The following ACSBG1 variants were observed in gnomAD, a reference collection of about 807,000 sequenced individuals.
ACSBG1 encodes long-chain-fatty-acid--CoA ligase ACSBG1.
A neutral mutation model predicts 80.2 loss-of-function variants in ACSBG1; 39 were observed. The observed-to-expected ratio is 0.49, with a 90% CI of 0.38 to 0.64. The LOEUF is 0.64. Ranked by LOEUF, ACSBG1 falls within the 30% of genes least tolerant of loss-of-function variation. ACSBG1 has a pLI of 0.00. For missense variants in ACSBG1, 828 were observed against 966.4 expected, an observed-to-expected ratio of 0.86 and a Z score of 1.90; for synonymous variants, 392 against 379.5, an observed-to-expected ratio of 1.03 and a Z score of -0.38.
intron 12 of ACSBG1, 119 bp downstream of exon 12, chr15:78,174,266 C>T: frequency 1.4e-6 from 2 of 1,404,226 alleles, no homozygotes; most frequent in Non-Finnish European, 2.0e-6. Context: ...GGACTTGAGT[C>T]ATTCCAGAAT....
intron 10 of ACSBG1, among the ~76,000 whole-genome samples, chr15:78,179,236 C>A (rs1027607218): frequency 2.0e-5 from 3 of 151,876 alleles, no homozygotes; most frequent in Admixed American, 1.3e-4. Flanking sequence ...TGGAGCACAC[C>A]CCACTCCAAA....
Position 78,172,771 on chromosome 15 carries a change from A to G in ACSBG1, c.2089+822T>C, listed in dbSNP as rs1317855493. Among the ~76,000 whole-genome samples, 1 of 152,202 alleles carries G rather than the reference A, an allele frequency of 6.6e-6. No homozygotes were observed. Among genetic ancestry groups the G allele is most frequent in the Non-Finnish European group, 1.5e-5 (1 of 68,026 alleles). ...TTTCTACCTCTCCTGTTCTATGAAC[A>G]TCCCATGAACATCTCTTGGCTACAG... On this transcript the variant is annotated intron_variant, in intron 13 of 13. Transcript: ENST00000258873. The surrounding 1 kb of genome is among the most constrained non-coding windows in gnomAD (Gnocchi z 4.1).
At chr15:78,206,874 C>A (rs555121812) in intron 2 of ACSBG1, among the ~76,000 whole-genome samples, 2 of 152,230 alleles carry the variant, frequency 1.3e-5, no homozygotes, top group Non-Finnish European at 2.9e-5. Flanking sequence ...GAGCCTCCCC[C>A]ACAAATGGCT....
intron 2 of ACSBG1, among the ~76,000 whole-genome samples, chr15:78,200,692 A>G (rs2075158933): frequency 6.6e-6 from 1 of 152,126 alleles, no homozygotes; most frequent in South Asian, 2.1e-4. Context: ...CCTCTGGGAA[A>G]GGACTATCAT....
chr15:78,207,732 C>T, intron 2 of ACSBG1: 1 of 468,912 alleles, frequency 2.1e-6, no homozygotes, highest in Non-Finnish European at 3.9e-6. Context: ...GATGTCCTAC[C>T]TGTCTCTCTA....
chr15:78,175,867 C>T (rs2074876840), intron 11 of ACSBG1, among the ~76,000 whole-genome samples: 1 of 151,962 alleles, frequency 6.6e-6, no homozygotes. Flanking sequence ...AAAACCCAGC[C>T]TCCCCAAAAT....
chr15:78,202,199 T>C (rs1389267879), intron 2 of ACSBG1, among the ~76,000 whole-genome samples: 1 of 152,082 alleles, frequency 6.6e-6, no homozygotes, highest in East Asian at 1.9e-4. Flanking sequence ...TTTTATGTTC[T>C]TTCCTATTAT....
chr15:78,232,622 C>T (rs1370332709), intron 1 of ACSBG1, among the ~76,000 whole-genome samples: 1 of 152,176 alleles, frequency 6.6e-6, no homozygotes, highest in East Asian at 1.9e-4. Flanking sequence ...TTCAAAGACT[C>T]CCCTGGCCCT....
At position 78,177,601 on chromosome 15, in the gene ACSBG1, G is replaced by A. The variant is rs531039055; in HGVS notation, c.1702+1013C>T. On this transcript the variant is annotated intron_variant, in intron 11 of 13. Transcript: ENST00000258873. The surrounding 1 kb of genome is among the most constrained non-coding windows in gnomAD (Gnocchi z 4.1). ...ATCCAAGCAGTCACCTGTTGCTCCC[G>A]GGGTCTCACTGGAGGGTACCTCCAG... 1.3e-4 allele frequency among the ~76,000 whole-genome samples: 20 copies of A among 152,204 alleles called. No homozygotes were observed. The highest frequency in any genetic ancestry group is 4.8e-4 in the African/African-American group (20 of 41,534).
At position 78,182,004 on chromosome 15, in the gene ACSBG1, C is replaced by A; in HGVS notation, c.1036G>T (p.Ala346Ser). The change falls in exon 8 of 14, where the codon GCC becomes TCC. Residue 346 changes from alanine to serine, a missense_variant. This residue lies in a region of ACSBG1 where 271 missense variants were observed against 375.9 expected (regional missense o/e 0.72). Transcript: ENST00000258873. ...YDLWTGIQWG[A>S]QVCFAEPDAL... ...TCGGGTTCGGCAAAGCAAACCTGGG[C>A]CCCCCACTGGATGCCTGTCCACAGG... 6.2e-7 allele frequency: 1 copy of A among 1,614,026 alleles called. No individual in the cohort carries two copies. Among genetic ancestry groups the A allele is most frequent in the Non-Finnish European group, 8.5e-7 (1 of 1,179,982 alleles).
rs2074788359 is a variant in ACSBG1, at chr15:78,169,122, G to A, written c.*2322C>T. ...CTTGTTTCTTGACAGTACATTTTTA[G>A]ATCTGGCCTTTTCTTAACAAAATCT... On this transcript the variant is annotated 3_prime_UTR_variant, in exon 14 of 14. Transcript: ENST00000258873. 5 of 575,258 alleles carry A rather than the reference G, an allele frequency of 8.7e-6. No individual in the cohort carries two copies. The highest frequency in any genetic ancestry group is 6.1e-5 in the Admixed American group (2 of 33,048). The allele number at this position is 575,258 out of a possible 1,614,324, so 35.6% of individuals were successfully genotyped here. A position where few individuals can be genotyped will look rare whatever the true frequency, so the allele number is the denominator to read the frequency against.
intron 2 of ACSBG1, 102 bp from the exon 3 acceptor site, chr15:78,194,828 G>T: frequency 8.1e-7 from 1 of 1,236,878 alleles, no homozygotes; most frequent in Non-Finnish European, 1.1e-6. Flanking sequence ...CAATGCCTTG[G>T]GTCCTCGGCC....
chr15:78,188,916 A>G (rs1181848951), intron 5 of ACSBG1, among the ~76,000 whole-genome samples: 2 of 148,472 alleles, frequency 1.3e-5, no homozygotes, highest in African/African-American at 5.0e-5. Flanking sequence ...TTCGCAACCT[A>G]CTCATCTGAC....
At chr15:78,207,219 T>C (rs975150803) in intron 2 of ACSBG1, among the ~76,000 whole-genome samples, 1 of 152,118 alleles carries the variant, frequency 6.6e-6, no homozygotes, top group Admixed American at 6.5e-5. Flanking sequence ...GCCCAGTCCC[T>C]TCTCCTTTAT....
At chr15:78,225,864 G>T (rs548198414) in intron 1 of ACSBG1, among the ~76,000 whole-genome samples, 1 of 152,326 alleles carries the variant, frequency 6.6e-6, no homozygotes, top group East Asian at 1.9e-4. Context: ...TAGGGTTACT[G>T]TCAAACTGTC....
intron 10 of ACSBG1, among the ~76,000 whole-genome samples, chr15:78,179,292 C>T (rs935728766): frequency 4.6e-5 from 7 of 152,252 alleles, no homozygotes; most frequent in Middle Eastern, 3.4e-3. Context: ...TCAGGGGGCA[C>T]CTGGGCTATG....
intron 1 of ACSBG1, among the ~76,000 whole-genome samples, chr15:78,222,595 G>T (rs1445892506): frequency 6.6e-6 from 1 of 152,214 alleles, no homozygotes; most frequent in Non-Finnish European, 1.5e-5. Flanking sequence ...CCCAGCCAGT[G>T]AGCCAGGTTT....
intron 1 of ACSBG1, among the ~76,000 whole-genome samples, chr15:78,233,111 G>C (rs947195871): frequency 4.6e-5 from 7 of 152,174 alleles, no homozygotes; most frequent in African/African-American, 1.7e-4. Context: ...TCTGCCCTTG[G>C]GTGAGGAAGT....
intron 2 of ACSBG1, among the ~76,000 whole-genome samples, chr15:78,205,407 G>A (rs2075204243): frequency 6.6e-6 from 1 of 152,150 alleles, no homozygotes; most frequent in Non-Finnish European, 1.5e-5. Context: ...GCTCCCCAGA[G>A]GGGCTGCCAG....
Sources: gnomAD v4.1 joint callset for allele counts (sites outside exome capture counted in the v4.1 genomes callset) on GRCh38, gnomAD v4.1.1 for gene constraint, gnomAD v4.1.1 regional missense constraint, Gnocchi (gnomAD v3.1) non-coding constraint, MANE v1.5 for transcripts, NCBI Gene and HGNC (gene_info 2026-07-23, HGNC 2026-07-21) for gene names.